Variants in PAM observed in about 807,000 individuals in gnomAD.
PAM encodes peptidyl-glycine alpha-amidating monooxygenase.
In PAM, 72 loss-of-function variants were observed where a neutral mutation model predicts 122.1. The ratio of observed to expected loss-of-function variants is 0.59; its 90% CI spans 0.49 to 0.72. PAM has a LOEUF of 0.72. PAM is among the 30% of genes least tolerant of loss of function. The pLI, the probability that PAM is intolerant of heterozygous loss-of-function variation, is 0.00. For missense variants in PAM, 1,106 were observed against 1,183.7 expected (o/e 0.93, Z 0.96); for synonymous variants, 389 against 404.4 (o/e 0.96, Z 0.46).
intron 13 of PAM, among the ~76,000 whole-genome samples, chr5:102,960,557 C>T (rs949128644): frequency 2.6e-5 from 4 of 151,860 alleles, no homozygotes; most frequent in African/African-American, 7.2e-5. Context: ...TTATCTAATT[C>T]TCAGAATTGT....
intron 1 of PAM, among the ~76,000 whole-genome samples, chr5:102,774,495 C>T (rs957018251): frequency 6.6e-6 from 1 of 152,020 alleles, no homozygotes; most frequent in East Asian, 1.9e-4. Flanking sequence ...CTACCTAAAA[C>T]ACTTGTGGGA....
At chr5:102,931,654 ATATTCT>A (rs1317414856) in intron 7 of PAM, among the ~76,000 whole-genome samples, 3 of 152,182 alleles carry the variant, frequency 2.0e-5, no homozygotes, top group Non-Finnish European at 4.4e-5. Context: ...GTTGGAACTG[ATATTCT>A]TAGAATGAAG....
chr5:102,923,010 T>C (rs1581729543), intron 5 of PAM, among the ~76,000 whole-genome samples: 1 of 152,338 alleles, frequency 6.6e-6, no homozygotes, highest in East Asian at 1.9e-4. Context: ...CATAAGTATA[T>C]TGTATTTGAC....
At chr5:103,004,150 GATA>G (rs751757827) in intron 17 of PAM, among the ~76,000 whole-genome samples, 63 of 152,306 alleles carry the variant, frequency 4.1e-4, no homozygotes, top group Non-Finnish European at 7.6e-4. Flanking sequence ...CTTGGGAGAT[GATA>G]ATAATGATGC....
chr5:102,861,000 A>G (rs1784023703), intron 1 of PAM, among the ~76,000 whole-genome samples: 1 of 152,164 alleles, frequency 6.6e-6, no homozygotes, highest in Non-Finnish European at 1.5e-5. Flanking sequence ...CTGATGCTAC[A>G]TAATAAAAGA....
chr5:102,920,915 C>T (rs1747228568), intron 5 of PAM, among the ~76,000 whole-genome samples: 1 of 151,916 alleles, frequency 6.6e-6, no homozygotes, highest in Non-Finnish European at 1.5e-5. Flanking sequence ...AACAGTCAGT[C>T]ATGCTGTATT....
chr5:102,940,448 AT>A (rs1754793562), intron 7 of PAM, among the ~76,000 whole-genome samples: 2 of 148,584 alleles, frequency 1.3e-5, no homozygotes, highest in African/African-American at 4.9e-5. Context: ...ATATAATGCT[AT>A]ATATATTTTA....
chr5:102,770,837 A>G (rs1232324185), intron 1 of PAM, among the ~76,000 whole-genome samples: 1 of 151,966 alleles, frequency 6.6e-6, no homozygotes, highest in Non-Finnish European at 1.5e-5. Context: ...TGTTTGTGGT[A>G]TCAGGGTAAT....
At chr5:102,859,622 C>T (rs143276125) in intron 1 of PAM, among the ~76,000 whole-genome samples, 2 of 152,166 alleles carry the variant, frequency 1.3e-5, no homozygotes, top group East Asian at 1.9e-4. Flanking sequence ...GTATAGCTTA[C>T]AGGAAACTGC....
chr5:102,908,217 T>A (rs1374050085), intron 4 of PAM, among the ~76,000 whole-genome samples: 6 of 152,080 alleles, frequency 3.9e-5, no homozygotes, highest in African/African-American at 1.2e-4. Context: ...CAGCACCATT[T>A]ATTAAATAGG....
rs7710961 is a variant in PAM, at chr5:102,922,209, G to A, written c.357-2748G>A. Among the ~76,000 whole-genome samples, 851 of 151,930 alleles carry A rather than the reference G, an allele frequency of 5.6e-3. 8 individuals are homozygous for A. The highest frequency in any genetic ancestry group is 0.019 in the African/African-American group (770 of 41,444). ...GATATTATCCTACATACTTGTACTC[G>A]AAGTCCTCACAGTCTGGGTGGAGAG... On this transcript the variant is annotated intron_variant, in intron 5 of 25. Transcript: ENST00000438793.
chr5:102,827,133 T>C (rs1317347184), intron 1 of PAM, among the ~76,000 whole-genome samples: 1 of 152,246 alleles, frequency 6.6e-6, no homozygotes, highest in East Asian at 1.9e-4. Context: ...CTATCCTCTT[T>C]CTATGAGACA....
intron 4 of PAM, among the ~76,000 whole-genome samples, chr5:102,907,166 C>A (rs73175446): frequency 0.024 from 3,715 of 151,776 alleles, 155 homozygotes; most frequent in African/African-American, 0.085. Flanking sequence ...CATAAGCATT[C>A]TTTACCAATG....
At position 102,835,430 on chromosome 5, in the gene PAM, A is replaced by G. The variant is rs142156101; in HGVS notation, c.-373-30393A>G. ...GCTGTGTTGTAAGCTGAGAAAATTT[A>G]ATTGTTATTGATTCTTTAAAAACGA... On this transcript the variant is annotated intron_variant, in intron 1 of 25. Coordinates refer to ENST00000438793, the MANE Select transcript of PAM (RefSeq NM_001177306.2). Among the ~76,000 whole-genome samples, 316 of 152,264 alleles carry G rather than the reference A, an allele frequency of 2.1e-3. 1 individual carries two copies. The highest frequency in any genetic ancestry group is 7.1e-3 in the African/African-American group (297 of 41,568).
intron 1 of PAM, among the ~76,000 whole-genome samples, chr5:102,759,204 T>C (rs1751593698): frequency 6.6e-6 from 1 of 152,160 alleles, no homozygotes; most frequent in Non-Finnish European, 1.5e-5. Flanking sequence ...AGCAGGGTCC[T>C]GGGTAGGTGA....
chr5:102,756,101 C>T (rs1750231961), intron 1 of PAM, among the ~76,000 whole-genome samples: 1 of 152,162 alleles, frequency 6.6e-6, no homozygotes, highest in South Asian at 2.1e-4. Flanking sequence ...TGCGTCAGCT[C>T]TGCCTGCCGC....
rs1581974082 is a variant in PAM at position 102,942,903 on chromosome 5, T to C, written c.527-3934T>C. 2.6e-5 allele frequency among the ~76,000 whole-genome samples: 4 copies of C among 152,200 alleles called. 1 individual carries two copies. Among genetic ancestry groups the C allele is most frequent in the Admixed American group, 2.6e-4 (4 of 15,284 alleles). ...TATTATTGAAGATGTTACTTCTTTT[T>C]GTTTTTCCTAAGACTTGGCAGTGGT... is the stretch of plus-strand genomic sequence containing the variant. On this transcript the variant is annotated intron_variant, in intron 7 of 25. Transcript: ENST00000438793.
At chr5:102,946,331 A>G (rs998397276) in intron 7 of PAM, among the ~76,000 whole-genome samples, 1 of 152,064 alleles carries the variant, frequency 6.6e-6, no homozygotes, top group African/African-American at 2.4e-5. Context: ...GAAGAAATTT[A>G]AAGTCTCTAC....
At chr5:102,936,440 C>G (rs577226678) in intron 7 of PAM, among the ~76,000 whole-genome samples, 2 of 152,184 alleles carry the variant, frequency 1.3e-5, no homozygotes, top group African/African-American at 4.8e-5. Context: ...TACTGACATC[C>G]TTAATGTGCA....
Sources: allele counts gnomAD v4.1 joint callset (sites outside exome capture counted in the v4.1 genomes callset), GRCh38; gene constraint gnomAD v4.1.1; transcripts MANE v1.5; gene names NCBI Gene and HGNC (gene_info 2026-07-23, HGNC 2026-07-21).